The following FOXN3 variants were observed in gnomAD, a reference collection of about 807,000 sequenced individuals.
FOXN3 encodes forkhead box N3.
FOXN3 carries 7 observed loss-of-function variants against 38.4 expected under a neutral mutation model. The ratio of observed to expected loss-of-function variants is 0.18; its 90% CI spans 0.10 to 0.34. FOXN3 has a LOEUF of 0.34. Among genes scored for constraint, FOXN3 ranks in the 10% least tolerant of loss-of-function variants. The pLI is 1.00. For synonymous variants in FOXN3, 230 were observed against 242.2 expected (o/e 0.95, Z 0.47); for missense variants, 456 against 613.4 (o/e 0.74, Z 2.71).
chr14:89,619,078 C>A (rs1355392414), exon 1 of FOXN3: 1 of 152,260 alleles, frequency 6.6e-6, no homozygotes, highest in Non-Finnish European at 1.5e-5. Context: ...TGGGGGGCTG[C>A]GGCGACGCTG....
chr14:89,517,942 C>T (rs1338202983), intron 1 of FOXN3, among the ~76,000 whole-genome samples: 1 of 152,220 alleles, frequency 6.6e-6, no homozygotes, highest in African/African-American at 2.4e-5. Flanking sequence ...TGGTACCAAA[C>T]TCAAATTTGT....
chr14:89,544,242 T>C (rs978553012), intron 1 of FOXN3, among the ~76,000 whole-genome samples: 22 of 151,952 alleles, frequency 1.4e-4, no homozygotes, highest in African/African-American at 4.1e-4. Context: ...GGGGTTTCAC[T>C]GTGTTAGCCA....
At chr14:89,263,836 G>C (rs541456856) in intron 4 of FOXN3, 32 of 152,306 alleles carry the variant, frequency 2.1e-4, no homozygotes, top group African/African-American at 7.7e-4. Context: ...GGGATCGCCT[G>C]AAGTCAGGAG....
intron 4 of FOXN3, among the ~76,000 whole-genome samples, chr14:89,220,947 G>A (rs965317014): frequency 8.2e-4 from 125 of 152,144 alleles, no homozygotes; most frequent in Middle Eastern, 6.8e-3. Flanking sequence ...ATTAATTACA[G>A]CACTCTATGG....
chr14:89,279,102 A>C (rs1429234177), intron 4 of FOXN3, among the ~76,000 whole-genome samples: 1 of 152,148 alleles, frequency 6.6e-6, no homozygotes, highest in African/African-American at 2.4e-5. Flanking sequence ...CACAGAAAAA[A>C]AAATGAATGT....
At chr14:89,564,130 C>T (rs763997807) in intron 1 of FOXN3, among the ~76,000 whole-genome samples, 1 of 152,128 alleles carries the variant, frequency 6.6e-6, no homozygotes, top group Admixed American at 6.5e-5. Flanking sequence ...GCTAGGATTA[C>T]AGGCATGAGC....
At chr14:89,311,768 G>A (rs537479352) in intron 3 of FOXN3, among the ~76,000 whole-genome samples, 17 of 152,330 alleles carry the variant, frequency 1.1e-4, no homozygotes, top group African/African-American at 4.1e-4. Context: ...AGAGGTTGCA[G>A]TGAGTTGAGA....
intron 1 of FOXN3, among the ~76,000 whole-genome samples, chr14:89,478,396 G>A (rs1289840708): frequency 6.6e-6 from 1 of 152,136 alleles, no homozygotes; most frequent in Non-Finnish European, 1.5e-5. Flanking sequence ...AACAAGGGCT[G>A]TTTGTTGAAT....
intron 3 of FOXN3, among the ~76,000 whole-genome samples, chr14:89,345,273 T>C (rs1014934198): frequency 6.6e-6 from 1 of 151,978 alleles, no homozygotes; most frequent in Non-Finnish European, 1.5e-5. Context: ...CTCTCAGTGC[T>C]GCAGTGATTT....
In FOXN3 at chr14:89,190,346, A is replaced by G. The variant is rs563949180; in HGVS notation, c.746-9540T>C. On this transcript the variant is annotated intron_variant, in intron 4 of 5. Coordinates refer to ENST00000557258, the MANE Select transcript of FOXN3 (RefSeq NM_005197.4). ...GTATAAATGAGAAGGTTAAGTTCAC[A>G]AACTATGGTGCTGTAGGCTATAGAA... 4 of 1,522,258 alleles carry G rather than the reference A, an allele frequency of 2.6e-6. No individual in the cohort carries two copies. In the Admixed American group the frequency reaches 6.9e-5, roughly 26 times the overall value. The allele number at this position is 1,522,258 out of a possible 1,614,324, so 94.3% of individuals were successfully genotyped here.
chr14:89,540,750 AAAAAGG>A, intron 1 of FOXN3, among the ~76,000 whole-genome samples: 1 of 152,192 alleles, frequency 6.6e-6, no homozygotes, highest in East Asian at 1.9e-4. Context: ...AAAAAAAAAA[AAAAAGG>A]AAAATGAACG....
intron 1 of FOXN3, among the ~76,000 whole-genome samples, chr14:89,496,921 C>T (rs1259098334): frequency 6.6e-6 from 1 of 152,136 alleles, no homozygotes. Context: ...GTGTAATGTC[C>T]TCCAGGTTCA....
chr14:89,231,831 T>C (rs1884820466), intron 4 of FOXN3, among the ~76,000 whole-genome samples: 1 of 151,930 alleles, frequency 6.6e-6, no homozygotes, highest in Non-Finnish European at 1.5e-5. Flanking sequence ...TGGAAGCAGG[T>C]GGTGGCGGGG....
At chr14:89,248,959 T>C (rs1885373790) in intron 4 of FOXN3, among the ~76,000 whole-genome samples, 1 of 152,240 alleles carries the variant, frequency 6.6e-6, no homozygotes, top group Admixed American at 6.5e-5. Flanking sequence ...GGTTGTAATT[T>C]CTTGTTTGTG....
At chr14:89,556,982 A>G (rs911058605) in intron 1 of FOXN3, among the ~76,000 whole-genome samples, 4 of 152,226 alleles carry the variant, frequency 2.6e-5, no homozygotes, top group African/African-American at 9.7e-5. Context: ...GGGTATAGAC[A>G]GACACCGGAA....
intron 2 of FOXN3, among the ~76,000 whole-genome samples, chr14:89,398,362 G>A (rs1297961711): frequency 6.6e-6 from 1 of 152,228 alleles, no homozygotes; most frequent in Non-Finnish European, 1.5e-5. Flanking sequence ...TTGGACAGCT[G>A]ACATTTATTT....
At chr14:89,515,624 T>C (rs1596304793) in intron 1 of FOXN3, among the ~76,000 whole-genome samples, 2 of 151,970 alleles carry the variant, frequency 1.3e-5, no homozygotes, top group South Asian at 2.1e-4. Flanking sequence ...TAATCCCAGC[T>C]ACTCAGGAGG....
intron 4 of FOXN3, among the ~76,000 whole-genome samples, chr14:89,238,053 G>T (rs562492438): frequency 1.3e-5 from 2 of 152,180 alleles, no homozygotes; most frequent in African/African-American, 2.4e-5. Context: ...TCTTAAATCC[G>T]ATCTCCTCTA....
intron 5 of FOXN3, among the ~76,000 whole-genome samples, chr14:89,175,222 T>G (rs762532956): frequency 1.3e-5 from 2 of 152,230 alleles, no homozygotes; most frequent in African/African-American, 2.4e-5. Context: ...AGTTTTTCAC[T>G]TGAGGTTGCT....
Sources: allele counts gnomAD v4.1 joint callset (sites outside exome capture counted in the v4.1 genomes callset), GRCh38; gene constraint gnomAD v4.1.1; transcripts MANE v1.5; gene names NCBI Gene and HGNC (gene_info 2026-07-23, HGNC 2026-07-21).